Variants in DMRT1 observed in about 807,000 individuals in gnomAD.
DMRT1 encodes doublesex and mab-3 related transcription factor 1, also known as doublesex- and mab-3-related transcription factor 1.
Under a neutral mutation model 32.3 loss-of-function variants are expected in DMRT1, and 7 were observed. That is an observed-to-expected ratio of 0.22 (90% confidence interval 0.12 to 0.41). The LOEUF is 0.41. Ranked by LOEUF, DMRT1 falls within the 10% of genes least tolerant of loss-of-function variation. DMRT1 has a pLI of 1.00. For missense variants in DMRT1, 625 were observed against 500.5 expected, an observed-to-expected ratio of 1.25 and a Z score of -2.37; for synonymous variants, 278 against 206.1, an observed-to-expected ratio of 1.35 and a Z score of -2.99.
intron 1 of DMRT1, among the ~76,000 whole-genome samples, chr9:843,845 T>C (rs532719456): frequency 6.6e-6 from 1 of 152,370 alleles, no homozygotes; most frequent in South Asian, 2.1e-4. Context: ...TAAACGTATT[T>C]TGGCTTCACA....
chr9:883,494 G>T (rs939721456), intron 2 of DMRT1, among the ~76,000 whole-genome samples: 1 of 151,670 alleles, frequency 6.6e-6, no homozygotes, highest in Non-Finnish European at 1.5e-5. Context: ...TAACTCCCCC[G>T]ACCCCCAAAA....
At chr9:933,099 G>A (rs1250522270) in intron 4 of DMRT1, among the ~76,000 whole-genome samples, 1 of 152,058 alleles carries the variant, frequency 6.6e-6, no homozygotes, top group African/African-American at 2.4e-5. Context: ...TTTTAGTAGA[G>A]ATGGGGTTTC....
intron 4 of DMRT1, among the ~76,000 whole-genome samples, chr9:953,717 A>G (rs752555235): frequency 6.6e-6 from 1 of 152,178 alleles, no homozygotes; most frequent in Admixed American, 6.5e-5. Context: ...CCTCTCCACC[A>G]TTCTTTCCAT....
At chr9:940,149 T>C (rs1322648893) in intron 4 of DMRT1, among the ~76,000 whole-genome samples, 1 of 152,038 alleles carries the variant, frequency 6.6e-6, no homozygotes, top group Non-Finnish European at 1.5e-5. Context: ...GGAAACCAGT[T>C]TGGCAGTTCT....
chr9:853,498 G>T lies in DMRT1; in HGVS notation c.538+6355G>T, dbSNP rs184505202. Among the ~76,000 whole-genome samples, 95 of 147,860 alleles carry T rather than the reference G, an allele frequency of 6.4e-4. 1 individual carries two copies. Among genetic ancestry groups the T allele is most frequent in the African/African-American group, 2.3e-3 (91 of 39,674 alleles). On this transcript the variant is annotated intron_variant, in intron 2 of 4. Transcript: ENST00000382276. ...TAATTTTTTTTTTTTTTGAGACGAA[G>T]TCTTGATCTTGTCTCCCAGGCTGGG...
chr9:918,715 G>T (rs59358181), intron 4 of DMRT1, among the ~76,000 whole-genome samples: 1 of 88,912 alleles, frequency 1.1e-5, no homozygotes, highest in South Asian at 4.4e-4. Flanking sequence ...CTTCAGAAAC[G>T]AGAGCTGGGA....
chr9:850,778 C>T (rs111699877), intron 2 of DMRT1, among the ~76,000 whole-genome samples: 8,631 of 152,150 alleles, frequency 0.057, 288 homozygotes, highest in African/African-American at 0.062. Flanking sequence ...CCTGTAATCC[C>T]AGCACTTTGG....
chr9:918,525 G>C (rs1310435742), intron 4 of DMRT1, among the ~76,000 whole-genome samples: 13 of 152,174 alleles, frequency 8.5e-5, no homozygotes, highest in African/African-American at 3.1e-4. Flanking sequence ...TACAGTCCAG[G>C]AAAGAAAAAG....
rs183631830 is a variant in DMRT1, at chr9:870,796, C to G, written c.539-23116C>G. ...GTGTGATCATGGCTCACTGCACCCT[C>G]TAGTCCTGGGGCTCAGGTGATTCTC... On this transcript the variant is annotated intron_variant, in intron 2 of 4. Coordinates refer to ENST00000382276, the MANE Select transcript of DMRT1 (RefSeq NM_021951.3). Among the ~76,000 whole-genome samples the G allele has an allele frequency of 1.3e-4, 18 of 139,806 alleles. No individual in the cohort carries two copies. In the East Asian group the frequency reaches 4.1e-3, roughly 32 times the overall value. The allele number at this position is 139,806 out of a possible 152,430, so 91.7% of individuals were successfully genotyped here. A position where few individuals can be genotyped will look rare whatever the true frequency, so the allele number is the denominator to read the frequency against.
chr9:961,116 T>C (rs1819757863), intron 4 of DMRT1, among the ~76,000 whole-genome samples: 1 of 152,136 alleles, frequency 6.6e-6, no homozygotes, highest in Non-Finnish European at 1.5e-5. Flanking sequence ...GGTCTTCAGG[T>C]AGTAAGACAG....
At chr9:869,233 T>TC (rs1414826350) in intron 2 of DMRT1, among the ~76,000 whole-genome samples, 1 of 152,134 alleles carries the variant, frequency 6.6e-6, no homozygotes, top group Non-Finnish European at 1.5e-5. Flanking sequence ...TTTTGCCTCT[T>TC]CCTCCCCTTT....
chr9:930,691 A>C (rs1454487547), intron 4 of DMRT1, among the ~76,000 whole-genome samples: 1 of 152,064 alleles, frequency 6.6e-6, no homozygotes, highest in Non-Finnish European at 1.5e-5. Flanking sequence ...TACAGACATG[A>C]GCCACCGCAC....
chr9:886,543 A>G (rs917706192), intron 2 of DMRT1, among the ~76,000 whole-genome samples: 1 of 150,110 alleles, frequency 6.7e-6, no homozygotes, highest in African/African-American at 2.4e-5. Flanking sequence ...CGCGTGAGCC[A>G]CCGTGTACGG....
chr9:845,734 C>G (rs1838876287), intron 1 of DMRT1, among the ~76,000 whole-genome samples: 2 of 152,042 alleles, frequency 1.3e-5, no homozygotes, highest in Admixed American at 1.3e-4. Flanking sequence ...CTCCCTCCAC[C>G]CCAGGAATCA....
In DMRT1 at chr9:936,753, C is replaced by CAAA. The variant is rs552878647; in HGVS notation, c.967+19861_967+19863dup. The stretch of plus-strand genomic sequence containing the variant: ...TGGGCAACAGAGCAAAACTTCATCT[C>CAAA]AAAAAAAAAAAAAAAAAGTCTTCTT... On this transcript the variant is annotated intron_variant, in intron 4 of 4. Transcript: ENST00000382276. Among the ~76,000 whole-genome samples the CAAA allele has an allele frequency of 8.4e-4, 89 of 105,654 alleles. 1 individual carries two copies. Among genetic ancestry groups the CAAA allele is most frequent in the Middle Eastern group, 0.011 (2 of 182 alleles). The allele number at this position is 105,654 out of a possible 152,430, so 69.3% of individuals were successfully genotyped here. A position where few individuals can be genotyped will look rare whatever the true frequency, so the allele number is the denominator to read the frequency against.
chr9:940,405 CATGTATGGT>C (rs1486001558), intron 4 of DMRT1, among the ~76,000 whole-genome samples: 1 of 151,986 alleles, frequency 6.6e-6, no homozygotes, highest in East Asian at 1.9e-4. Flanking sequence ...ATAACTCCCA[CATGTATGGT>C]CAAATGATTT....
rs1044522503 is a variant in DMRT1, at chr9:841,999, G to A, written c.161G>A (p.Gly54Asp). Reference sequence around the variant, plus strand: ...AGCGCCGGGGGCAGCAGCAGAGGAGGCGGCTCCGGCTCCGGGGCGTCGGAC... The same window carrying A: ...AGCGCCGGGGGCAGCAGCAGAGGAGACGGCTCCGGCTCCGGGGCGTCGGAC... The part of the protein sequence containing the change: ...GSSAGGSSRG[G>D]GSGSGASDLG... The change falls in exon 1 of 5, where the codon GGC becomes GAC. Residue 54 changes from glycine to aspartate, a missense_variant. Gly to Asp is a moderately conservative substitution (Grantham distance 94). Around this residue, in one of 3 missense-constraint regions of DMRT1, gnomAD observed 201 missense variants for 152.0 expected, o/e 1.32. Coordinates refer to ENST00000382276, the MANE Select transcript of DMRT1 (RefSeq NM_021951.3). The A allele has an allele frequency of 1.3e-6, 2 of 1,562,454 alleles. No homozygotes were observed. Among genetic ancestry groups the A allele is most frequent in the African/African-American group, 2.7e-5 (2 of 73,834 alleles).
chr9:944,359 G>C (rs1483888143), intron 4 of DMRT1, among the ~76,000 whole-genome samples: 1 of 152,114 alleles, frequency 6.6e-6, no homozygotes, highest in African/African-American at 2.4e-5. Flanking sequence ...ATGCTTAGTA[G>C]GATTAGACTG....
rs141385537 is a variant in DMRT1 at position 932,938 on chromosome 9, G to A, written c.967+16031G>A. 4.8e-3 allele frequency among the ~76,000 whole-genome samples: 732 copies of A among 151,848 alleles called. 6 individuals carry two copies. Among genetic ancestry groups the A allele is most frequent in the African/African-American group, 0.017 (712 of 41,432 alleles). ...GCTTTCTTTTTTTTTTTTGAGACAG[G>A]GTTTTGCTCTGTCACCCAGGCTGGA... is the stretch of plus-strand genomic sequence containing the variant. On this transcript the variant is annotated intron_variant, in intron 4 of 4. Coordinates refer to ENST00000382276, the MANE Select transcript of DMRT1 (RefSeq NM_021951.3).
Sources: allele counts gnomAD v4.1 joint callset (sites outside exome capture counted in the v4.1 genomes callset), GRCh38; gene constraint gnomAD v4.1.1; regional missense constraint gnomAD v4.1.1; transcripts MANE v1.5; gene names NCBI Gene and HGNC (gene_info 2026-07-23, HGNC 2026-07-21).